GRIA3: variants seen among roughly 807,000 people sequenced by gnomAD.
GRIA3 encodes glutamate ionotropic receptor AMPA type subunit 3, also known as glutamate receptor 3.
GRIA3 carries 3 observed loss-of-function variants against 63.0 expected under a neutral mutation model. The ratio of observed to expected loss-of-function variants is 0.05; its 90% CI spans 0.02 to 0.12. The LOEUF is 0.12. Ranked by LOEUF, GRIA3 falls within the 10% of genes least tolerant of loss-of-function variation. The probability of loss-of-function intolerance (pLI) is 1.00; values close to 1 mark genes in which losing one functional copy is unlikely to be tolerated. For missense variants in GRIA3, 347 were observed against 700.9 expected, an observed-to-expected ratio of 0.50 and a Z score of 5.70; for synonymous variants, 274 against 257.9, an observed-to-expected ratio of 1.06 and a Z score of -0.60.
In GRIA3 at chrX:123,417,738, T is replaced by C. The variant is rs1280116811; in HGVS notation, c.1837T>C (p.Leu613=). 2.6e-6 allele frequency: 3 copies of C among 1,171,222 alleles called. No homozygotes were observed. The African/African-American group carries it at 5.4e-5, about 21-fold the overall frequency. Reference sequence around the variant, plus strand: ...AATATTTAACAGTCTTTGGTTTTCCTTGGGTGCCTTTATGCAGCAAGGATG... The same window carrying C: ...AATATTTAACAGTCTTTGGTTTTCCCTGGGTGCCTTTATGCAGCAAGGATG... ...FGIFNSLWFS[L]GAFMQQGCDI... is the part of the protein sequence containing the mutation. The change falls in exon 11 of 16, where the codon TTG becomes CTG. Residue 613 remains leucine (L), a synonymous_variant. Transcript: ENST00000620443.
intron 3 of GRIA3, among the ~76,000 whole-genome samples, chrX:123,302,048 G>A (rs1427700857): frequency 8.9e-6 from 1 of 112,067 alleles, no homozygotes; most frequent in African/African-American, 3.2e-5. Context: ...ACAAGGCCTA[G>A]AATAAACGTA....
intron 5 of GRIA3, among the ~76,000 whole-genome samples, chrX:123,364,345 C>T (rs893090728): frequency 4.5e-5 from 5 of 111,567 alleles, no homozygotes; most frequent in African/African-American, 1.6e-4. Flanking sequence ...TCCATATGTA[C>T]AATAGCCTAT....
At chrX:123,389,852 C>T (rs755123706) in intron 5 of GRIA3, among the ~76,000 whole-genome samples, 3 of 110,244 alleles carry the variant, frequency 2.7e-5, no homozygotes, top group East Asian at 2.9e-4. Flanking sequence ...ACTACAGACA[C>T]CCGCCACCAC....
intron 3 of GRIA3, among the ~76,000 whole-genome samples, chrX:123,274,912 G>A (rs750120527): frequency 9.0e-6 from 1 of 111,689 alleles, no homozygotes; most frequent in South Asian, 3.8e-4. Context: ...CTGACACTAT[G>A]GAAGCTAAAC....
intron 3 of GRIA3, among the ~76,000 whole-genome samples, chrX:123,325,428 G>T (rs2044896066): frequency 1.8e-5 from 2 of 112,127 alleles, no homozygotes; most frequent in South Asian, 7.5e-4. Context: ...GAAAGGGAAA[G>T]AACTCAGGAA....
intron 6 of GRIA3, among the ~76,000 whole-genome samples, chrX:123,396,518 C>T (rs913517865): frequency 5.4e-5 from 6 of 110,621 alleles, no homozygotes; most frequent in Non-Finnish European, 5.7e-5. Flanking sequence ...TTTTAGGGTC[C>T]GATCAAGTGT....
At chrX:123,344,531 T>G (rs771945046) in intron 4 of GRIA3, among the ~76,000 whole-genome samples, 1 of 111,938 alleles carries the variant, frequency 8.9e-6, no homozygotes, top group East Asian at 2.8e-4. Context: ...ATTTGCTGAT[T>G]AATACACTGT....
intron 4 of GRIA3, among the ~76,000 whole-genome samples, chrX:123,334,042 T>C (rs958186606): frequency 8.9e-6 from 1 of 111,906 alleles, no homozygotes; most frequent in Non-Finnish European, 1.9e-5. Context: ...TTAACACTTA[T>C]TGGGCTACCT....
In GRIA3 at chrX:123,400,819, T is replaced by A. The variant is rs147041578; in HGVS notation, c.1080+2016T>A. Among the ~76,000 whole-genome samples the A allele has an allele frequency of 4.5e-5, 5 of 112,335 alleles. No individual in the cohort carries two copies. In the East Asian group the frequency reaches 1.4e-3, roughly 31 times the overall value. ...ATATGTAAACAAATGCTTTAAAATA[T>A]CTTAAAGCCACTTGCAAATTGGGTA... On this transcript the variant is annotated intron_variant, in intron 7 of 15. Coordinates refer to ENST00000620443, the MANE Select transcript of GRIA3 (RefSeq NM_007325.5).
At chrX:123,382,666 C>A (rs890029664) in intron 5 of GRIA3, among the ~76,000 whole-genome samples, 6 of 111,271 alleles carry the variant, frequency 5.4e-5, no homozygotes, top group African/African-American at 1.6e-4. Context: ...AGGTGGACAT[C>A]TCCTTTTAGT....
chrX:123,349,830 G>A (rs746156528), intron 4 of GRIA3, among the ~76,000 whole-genome samples: 6 of 112,197 alleles, frequency 5.3e-5, no homozygotes, highest in Non-Finnish European at 1.1e-4. Flanking sequence ...ATGTATTTAC[G>A]AAGACTCAGG....
At chrX:123,314,677 A>G (rs1016919934) in intron 3 of GRIA3, among the ~76,000 whole-genome samples, 3 of 112,044 alleles carry the variant, frequency 2.7e-5, no homozygotes, top group South Asian at 3.8e-4. Flanking sequence ...ATGGAGCTAC[A>G]TAATTCACCA....
At position 123,237,544 on chromosome X, in the gene GRIA3, T is replaced by C. The variant is rs927785064; in HGVS notation, c.269-15759T>C. On this transcript the variant is annotated intron_variant, in intron 2 of 15. Transcript: ENST00000620443. Reference sequence around the variant, plus strand: ...CTTACTTGAGTGTTTTATAACTGAGTATACAGCTTCTCTCAGGCAATACCA... The same window carrying C: ...CTTACTTGAGTGTTTTATAACTGAGCATACAGCTTCTCTCAGGCAATACCA... Among the ~76,000 whole-genome samples, 3 of 111,927 alleles carry C rather than the reference T, an allele frequency of 2.7e-5. No individual in the cohort carries two copies. In the South Asian group the frequency reaches 1.1e-3, roughly 42 times the overall value.
At chrX:123,193,560 A>G (rs910881208) in intron 2 of GRIA3, among the ~76,000 whole-genome samples, 11 of 112,013 alleles carry the variant, frequency 9.8e-5, no homozygotes, top group Non-Finnish European at 1.7e-4. Context: ...AAGGGAAGTA[A>G]TGTCACTTTC....
intron 12 of GRIA3, among the ~76,000 whole-genome samples, chrX:123,446,950 G>A (rs903970085): frequency 4.5e-5 from 5 of 111,813 alleles, no homozygotes; most frequent in African/African-American, 6.5e-5. Context: ...AGATATAGAG[G>A]GCCTGTTTTT....
intron 2 of GRIA3, among the ~76,000 whole-genome samples, chrX:123,198,893 G>A (rs1463789247): frequency 8.9e-6 from 1 of 111,901 alleles, no homozygotes; most frequent in Non-Finnish European, 1.9e-5. Context: ...TGTGTTTAAA[G>A]TGGGAGCATG....
chrX:123,291,065 CCT>C (rs1450196322), intron 3 of GRIA3, among the ~76,000 whole-genome samples: 1 of 111,249 alleles, frequency 9.0e-6, no homozygotes, highest in Non-Finnish European at 1.9e-5. Flanking sequence ...TTCACAAGGC[CCT>C]GAGGGAAACA....
chrX:123,472,113 G>A (rs1002954100), intron 13 of GRIA3, among the ~76,000 whole-genome samples: 2 of 97,997 alleles, frequency 2.0e-5, no homozygotes, highest in Non-Finnish European at 4.1e-5. Context: ...GGTGGTATAT[G>A]CCCTGGCATG....
intron 12 of GRIA3, among the ~76,000 whole-genome samples, chrX:123,441,230 T>C (rs1238409519): frequency 8.9e-6 from 1 of 112,238 alleles, no homozygotes; most frequent in Non-Finnish European, 1.9e-5. Context: ...CATTAAACCA[T>C]GGCCACTATT....
Sources: gnomAD v4.1 joint callset for allele counts (sites outside exome capture counted in the v4.1 genomes callset) on GRCh38, gnomAD v4.1.1 for gene constraint, MANE v1.5 for transcripts, NCBI Gene and HGNC (gene_info 2026-07-23, HGNC 2026-07-21) for gene names.